Variants in PTPRN2 observed in about 807,000 individuals in gnomAD.
PTPRN2 encodes the protein receptor-type tyrosine-protein phosphatase N2.
A neutral mutation model predicts 118.8 loss-of-function variants in PTPRN2; 74 were observed. The observed-to-expected ratio is 0.62, with a 90% CI of 0.52 to 0.76. The LOEUF (loss-of-function observed/expected upper bound fraction) is 0.76, where lower values mean the gene tolerates loss of function less well. Among genes scored for constraint, PTPRN2 ranks in the 30% least tolerant of loss-of-function variants. PTPRN2 has a pLI of 0.00. For synonymous variants in PTPRN2, 641 were observed against 608.0 expected (o/e 1.05, Z -0.80); for missense variants, 1,481 against 1,394.4 (o/e 1.06, Z -0.99).
chr7:158,151,602 C>T (rs184365241), intron 6 of PTPRN2, among the ~76,000 whole-genome samples: 1 of 152,310 alleles, frequency 6.6e-6, no homozygotes, highest in Non-Finnish European at 1.5e-5. Flanking sequence ...TGAGCCACGC[C>T]CTCCCCTTCA....
chr7:157,765,877 A>C (rs1253496398), intron 12 of PTPRN2, among the ~76,000 whole-genome samples: 56 of 59,440 alleles, frequency 9.4e-4, no homozygotes, highest in African/African-American at 1.5e-3. Flanking sequence ...ATCCATCATT[A>C]CTCCATCCAT....
chr7:158,344,226 C>A (rs7779175), intron 2 of PTPRN2, among the ~76,000 whole-genome samples: 2 of 151,956 alleles, frequency 1.3e-5, no homozygotes, highest in African/African-American at 2.4e-5. Flanking sequence ...CCAGCAACCC[C>A]ACACAGGCCC....
At chr7:158,201,892 T>G (rs1826672559) in intron 4 of PTPRN2, among the ~76,000 whole-genome samples, 1 of 152,140 alleles carries the variant, frequency 6.6e-6, no homozygotes. Flanking sequence ...AAAACCAAGC[T>G]GCACCCTGAG....
rs2128803015 is a variant in PTPRN2, at chr7:157,953,140, C to T, written c.1724-54403G>A. ...CTCTGGCTCGAGAAGTCCTCAGCGA[C>T]ATCTGGGGGTCCTGTGCATGCACCA... On this transcript the variant is annotated intron_variant, in intron 11 of 22. Coordinates refer to ENST00000389418, the MANE Select transcript of PTPRN2 (RefSeq NM_002847.5). The surrounding 1 kb of genome is among the most constrained non-coding windows in gnomAD (Gnocchi z 4.6). Among the ~76,000 whole-genome samples the T allele has an allele frequency of 2.0e-5, 3 of 152,350 alleles. No homozygotes were observed. The South Asian group carries it at 6.2e-4, about 32-fold the overall frequency.
At chr7:158,430,901 G>A (rs1034350418) in intron 2 of PTPRN2, among the ~76,000 whole-genome samples, 7 of 152,196 alleles carry the variant, frequency 4.6e-5, no homozygotes, top group African/African-American at 1.7e-4. Flanking sequence ...CCAGGCAGTG[G>A]CCATCTGACC....
rs566656338 is a variant in PTPRN2, at chr7:158,251,980, T to C, written c.278-46707A>G. ...AGGGAAACGAGAGCCACCACATACC[T>C]GCCCCAGGCTCAGGGCAGGTCCCAG... is the stretch of plus-strand genomic sequence containing the variant. On this transcript the variant is annotated intron_variant, in intron 3 of 22. Transcript: ENST00000389418. 2.0e-5 allele frequency among the ~76,000 whole-genome samples: 3 copies of C among 152,288 alleles called. No individual in the cohort carries two copies. In the East Asian group the frequency reaches 5.8e-4, roughly 29 times the overall value.
In PTPRN2 at chr7:158,265,090, T is replaced by A. The variant is rs1442498979; in HGVS notation, c.277+51729A>T. ...TTCTATCTGCTCCAGGTAGGCTACC[T>A]CCCAGCCCCCAAGGTAGTGCATGCT... is the stretch of plus-strand genomic sequence containing the variant. On this transcript the variant is annotated intron_variant, in intron 3 of 22. Transcript: ENST00000389418. Among the ~76,000 whole-genome samples, 5 of 152,030 alleles carry A rather than the reference T, an allele frequency of 3.3e-5. No individual in the cohort carries two copies. The South Asian group carries it at 1.0e-3, about 32-fold the overall frequency.
At chr7:158,295,346 T>C (rs111551142) in intron 3 of PTPRN2, among the ~76,000 whole-genome samples, 8 of 3,528 alleles carry the variant, frequency 2.3e-3, no homozygotes, top group East Asian at 7.9e-3. Context: ...TGAACCACAT[T>C]GTGGTTCACC....
intron 6 of PTPRN2, among the ~76,000 whole-genome samples, chr7:158,154,017 G>A (rs990330706): frequency 3.3e-5 from 5 of 152,174 alleles, no homozygotes; most frequent in South Asian, 2.1e-4. Context: ...GGGAGGGTTC[G>A]TTCAAGGTGT....
chr7:157,837,562 C>T lies in PTPRN2; in HGVS notation c.1788+61111G>A, dbSNP rs564179046. Among the ~76,000 whole-genome samples the T allele has an allele frequency of 3.8e-3, 573 of 151,926 alleles. 2 individuals carry two copies. The highest frequency in any genetic ancestry group is 0.013 in the African/African-American group (544 of 41,444). ...GGAGGTCGACTCCCCAGCACACGCA[C>T]CCAGGAACACCCTGGGCTTGACAGC... On this transcript the variant is annotated intron_variant, in intron 12 of 22. Coordinates refer to ENST00000389418, the MANE Select transcript of PTPRN2 (RefSeq NM_002847.5).
At chr7:158,131,377 C>T (rs1344384782) in intron 9 of PTPRN2, among the ~76,000 whole-genome samples, 3 of 88,306 alleles carry the variant, frequency 3.4e-5, no homozygotes, top group African/African-American at 5.7e-5. Context: ...ACCCGACACA[C>T]ACACTCATAC....
intron 6 of PTPRN2, among the ~76,000 whole-genome samples, chr7:158,149,701 G>C (rs891817523): frequency 6.6e-5 from 10 of 152,040 alleles, no homozygotes; most frequent in Non-Finnish European, 1.3e-4. Flanking sequence ...CTACTCAGGA[G>C]GCTAAGGCAG....
At position 158,262,099 on chromosome 7, in the gene PTPRN2, C is replaced by T. The variant is rs111799846; in HGVS notation, c.277+54720G>A. ...GAGCACGAAGAGCTCCTACGTCCAGCAGGGGATGTTAAGGGTCACACCCTC... is the reference window on the plus strand; with the variant it reads ...GAGCACGAAGAGCTCCTACGTCCAGTAGGGGATGTTAAGGGTCACACCCTC... On this transcript the variant is annotated intron_variant, in intron 3 of 22. Coordinates refer to ENST00000389418, the MANE Select transcript of PTPRN2 (RefSeq NM_002847.5). Among the ~76,000 whole-genome samples the T allele has an allele frequency of 8.9e-3, 1,352 of 152,256 alleles. 25 individuals are homozygous for T. The highest frequency in any genetic ancestry group is 0.031 in the African/African-American group (1,272 of 41,534).
intron 3 of PTPRN2, among the ~76,000 whole-genome samples, chr7:158,265,990 G>C (rs1292193923): frequency 6.6e-6 from 1 of 152,222 alleles, no homozygotes; most frequent in Non-Finnish European, 1.5e-5. Context: ...AGGGGTTGGG[G>C]ACCCCTGGTC....
chr7:158,510,696 G>A (rs1296692026), intron 1 of PTPRN2, among the ~76,000 whole-genome samples: 2 of 152,116 alleles, frequency 1.3e-5, no homozygotes, highest in Non-Finnish European at 2.9e-5. Flanking sequence ...CCATGTAAGA[G>A]AAACAGCCAT....
intron 1 of PTPRN2, among the ~76,000 whole-genome samples, chr7:158,504,333 T>A (rs1822584858): frequency 6.6e-6 from 1 of 152,182 alleles, no homozygotes; most frequent in Non-Finnish European, 1.5e-5. Flanking sequence ...TTAGCAATTA[T>A]TCCTGTGCTC....
intron 2 of PTPRN2, among the ~76,000 whole-genome samples, chr7:158,413,840 C>G (rs1057187794): frequency 2.0e-5 from 3 of 152,172 alleles, no homozygotes; most frequent in Non-Finnish European, 2.9e-5. Context: ...CTGGGCCACC[C>G]TTAAACATGG....
In PTPRN2 at chr7:158,365,335, G is replaced by A. The variant is rs866818935; in HGVS notation, c.164-48403C>T. 3.3e-5 allele frequency among the ~76,000 whole-genome samples: 5 copies of A among 152,146 alleles called. No individual in the cohort carries two copies. In the South Asian group the frequency reaches 1.0e-3, roughly 32 times the overall value. On this transcript the variant is annotated intron_variant, in intron 2 of 22. Transcript: ENST00000389418. ...CACTTCTGACAACGGCAATTTTTGT[G>A]CTCCTCACAACCAACGAGGGTGTGA...
chr7:157,712,100 G>GAGGGGCTGCGTCGTGGAA (rs1798672837), intron 12 of PTPRN2, among the ~76,000 whole-genome samples: 2 of 139,064 alleles, frequency 1.4e-5, no homozygotes, highest in Non-Finnish European at 3.1e-5. Flanking sequence ...ATGAGTGGGG[G>GAGGGGCTGCGTCGTGGAA]GAGGGGCTGC....
Sources: allele counts gnomAD v4.1 joint callset (sites outside exome capture counted in the v4.1 genomes callset), GRCh38; gene constraint gnomAD v4.1.1; non-coding constraint Gnocchi (gnomAD v3.1); transcripts MANE v1.5; gene names NCBI Gene and HGNC (gene_info 2026-07-23, HGNC 2026-07-21).